Variants in WAC observed in about 807,000 individuals in gnomAD.
WAC encodes the protein WW domain containing adaptor with coiled-coil.
A neutral mutation model predicts 79.6 loss-of-function variants in WAC; 11 were observed. The ratio of observed to expected loss-of-function variants is 0.14; its 90% confidence interval spans 0.09 to 0.23. The LOEUF is 0.23. Among genes scored for constraint, WAC ranks in the 10% least tolerant of loss-of-function variants. The probability of loss-of-function intolerance (pLI) is 1.00; values close to 1 mark genes in which losing one functional copy is unlikely to be tolerated. For missense variants in WAC, 728 were observed against 773.5 expected (o/e 0.94, Z 0.70); for synonymous variants, 304 against 276.9 (o/e 1.10, Z -0.97).
At chr10:28,583,307 T>TA in intron 3 of WAC, 92 bp from the exon 4 acceptor site, 3 of 892,414 alleles carry the variant, frequency 3.4e-6, no homozygotes, top group Non-Finnish European at 3.4e-6. Flanking sequence ...CGTTTAGAGA[T>TA]ATAAAATAAT....
intron 3 of WAC, chr10:28,535,975 G>A: frequency 2.8e-6 from 1 of 356,972 alleles, no homozygotes; most frequent in Non-Finnish European, 5.0e-6. Context: ...AGGCGCGGTG[G>A]CTCACGCCTG....
chr10:28,563,641 G>T (rs892305687), intron 3 of WAC, among the ~76,000 whole-genome samples: 1 of 151,004 alleles, frequency 6.6e-6, no homozygotes, highest in African/African-American at 2.4e-5. Context: ...GTGCAGTGGC[G>T]CGATCTCCGC....
intron 4 of WAC, among the ~76,000 whole-genome samples, chr10:28,585,331 G>GCTGGTAACAACT: frequency 6.6e-6 from 1 of 151,982 alleles, no homozygotes; most frequent in East Asian, 2.0e-4. Flanking sequence ...TGGTAACAAC[G>GCTGGTAACAACT]GCGGCTGCTC....
At chr10:28,614,923 T>A (rs1171501011) in intron 11 of WAC, 1 of 334,288 alleles carries the variant, frequency 3.0e-6, no homozygotes, top group East Asian at 5.2e-5. Flanking sequence ...TTTTACACAG[T>A]GGAATATGAC....
At chr10:28,584,971 G>A (rs951913341) in intron 4 of WAC, among the ~76,000 whole-genome samples, 1 of 152,066 alleles carries the variant, frequency 6.6e-6, no homozygotes, top group African/African-American at 2.4e-5. Context: ...GGGAGGCTGA[G>A]GCAGGAGAAT....
chr10:28,562,374 CTA>C (rs1252294106), intron 3 of WAC, among the ~76,000 whole-genome samples: 1 of 151,910 alleles, frequency 6.6e-6, no homozygotes, highest in African/African-American at 2.4e-5. Context: ...AGTAGATTTT[CTA>C]TGTGTTTTTT....
chr10:28,615,957 T>A (rs1403604481), intron 11 of WAC: 2 of 429,856 alleles, frequency 4.7e-6, no homozygotes, highest in African/African-American at 4.0e-5. Context: ...CATTTGACTC[T>A]GACAGTAGTG....
intron 3 of WAC, among the ~76,000 whole-genome samples, chr10:28,559,189 G>T (rs979678765): frequency 2.2e-5 from 3 of 138,822 alleles, no homozygotes; most frequent in Non-Finnish European, 4.6e-5. Flanking sequence ...TCTTGGGTGC[G>T]ATAGTATATG....
chr10:28,581,011 A>G (rs1459916266), intron 3 of WAC, among the ~76,000 whole-genome samples: 1 of 152,144 alleles, frequency 6.6e-6, no homozygotes, highest in Non-Finnish European at 1.5e-5. Context: ...TAAGAGTCAT[A>G]CAGGATGCAC....
intron 8 of WAC, among the ~76,000 whole-genome samples, chr10:28,610,276 A>G (rs1841169242): frequency 6.6e-6 from 1 of 152,090 alleles, no homozygotes. Flanking sequence ...GGATCTTGAT[A>G]TAGGATTTGA....
intron 4 of WAC, among the ~76,000 whole-genome samples, chr10:28,585,720 A>G (rs1468853011): frequency 1.3e-5 from 2 of 152,020 alleles, no homozygotes; most frequent in East Asian, 1.9e-4. Flanking sequence ...CTTGTCATTG[A>G]CAGTTTAGAT....
rs1372624261 is a variant in WAC, at chr10:28,614,574, C to A, written c.1445C>A (p.Thr482Asn). Residue 482 changes from threonine to asparagine, a missense_variant, in exon 11 of 14, where the codon ACT becomes AAT. Around this residue, in one of 3 missense-constraint regions of WAC, gnomAD observed 648 missense variants for 661.5 expected, o/e 0.98. Coordinates refer to ENST00000354911, the MANE Select transcript of WAC (RefSeq NM_016628.5). ...PPVSSQPKVS[T>N]PVVKQGPVSQ... ...CAGATTTTGACATTTCAGGTTAGTA[C>A]TCCAGTAGTTAAGCAAGGACCAGTG... The A allele has an allele frequency of 6.2e-6, 10 of 1,613,870 alleles. No homozygotes were observed. The highest frequency in any genetic ancestry group is 8.5e-6 in the Non-Finnish European group (10 of 1,179,824).
intron 7 of WAC, among the ~76,000 whole-genome samples, chr10:28,601,562 C>A (rs934690680): frequency 2.5e-4 from 38 of 152,052 alleles, no homozygotes; most frequent in African/African-American, 9.2e-4. Flanking sequence ...TTTCTAGATA[C>A]ATACCCAAAA....
At chr10:28,616,633 C>CTCT (rs1300376947) in intron 12 of WAC, among the ~76,000 whole-genome samples, 3 of 152,196 alleles carry the variant, frequency 2.0e-5, no homozygotes, top group Non-Finnish European at 4.4e-5. Flanking sequence ...CTTCTTAAAA[C>CTCT]AGCTAAGCAG....
intron 9 of WAC, 131 bp downstream of exon 9, chr10:28,610,952 TTTG>T: frequency 9.5e-7 from 1 of 1,052,768 alleles, no homozygotes; most frequent in South Asian, 2.0e-5. Flanking sequence ...CTACAATAAT[TTTG>T]TTTTTTTTGT....
At chr10:28,611,219 A>T in intron 9 of WAC, 1 of 1,267,908 alleles carries the variant, frequency 7.9e-7, no homozygotes, top group Non-Finnish European at 1.0e-6. Context: ...TTTTGACTGG[A>T]TAATATGGAA....
chr10:28,537,384 A>G (rs1332599570), intron 3 of WAC, among the ~76,000 whole-genome samples: 3 of 152,232 alleles, frequency 2.0e-5, no homozygotes, highest in African/African-American at 7.2e-5. Context: ...GAGAGCAGGT[A>G]CTGGTTGTAC....
In WAC at chr10:28,535,777, A is replaced by G; in HGVS notation, c.274+20A>G. 1 of 1,582,478 alleles carries G rather than the reference A, an allele frequency of 6.3e-7. No individual in the cohort carries two copies. Among genetic ancestry groups the G allele is most frequent in the Non-Finnish European group, 8.6e-7 (1 of 1,161,480 alleles). On this transcript the variant is annotated intron_variant, in intron 3 of 13. Transcript: ENST00000354911. ...ATGGTGGTGAGTATCTTTCTTGTTGAAACTTTGACATACAGTTTTAACAAT... is the reference window on the plus strand; with the variant it reads ...ATGGTGGTGAGTATCTTTCTTGTTGGAACTTTGACATACAGTTTTAACAAT...
In WAC at chr10:28,574,216, C is replaced by T. The variant is rs181547609; in HGVS notation, c.275-9183C>T. On this transcript the variant is annotated intron_variant, in intron 3 of 13. Transcript: ENST00000354911. ...TGCTCTGTGTACAGTGTCACGATCTCGGCTCACTACAACCTCCGCCTCCCA... is the reference window on the plus strand; with the variant it reads ...TGCTCTGTGTACAGTGTCACGATCTTGGCTCACTACAACCTCCGCCTCCCA... 4.7e-4 allele frequency among the ~76,000 whole-genome samples: 71 copies of T among 152,046 alleles called. No homozygotes were observed. The East Asian group carries it at 0.013, about 28-fold the overall frequency.
Sources: gnomAD v4.1 joint callset for allele counts (sites outside exome capture counted in the v4.1 genomes callset) on GRCh38, gnomAD v4.1.1 for gene constraint, gnomAD v4.1.1 regional missense constraint, MANE v1.5 for transcripts, NCBI Gene and HGNC (gene_info 2026-07-23, HGNC 2026-07-21) for gene names.